Variants in PXMP4 observed in about 807,000 individuals in gnomAD.
The protein encoded by PXMP4 is peroxisomal membrane protein 4.
Under a neutral mutation model 21.6 loss-of-function variants are expected in PXMP4, and 16 were observed. The observed-to-expected ratio is 0.74, with a 90% CI of 0.50 to 1.13. PXMP4 has a LOEUF of 1.13. PXMP4 is among the 50% of genes most tolerant of loss of function. The pLI is 0.00. For missense variants in PXMP4, 240 were observed against 277.7 expected, an observed-to-expected ratio of 0.86 and a Z score of 0.96; for synonymous variants, 127 against 123.8, an observed-to-expected ratio of 1.03 and a Z score of -0.17.
chr20:33,714,768 T>C (rs2018367193), intron 1 of PXMP4, 32 bp from the exon 2 acceptor site: 1 of 1,601,034 alleles, frequency 6.2e-7, no homozygotes, highest in East Asian at 2.2e-5. Flanking sequence ...GTTACTATAA[T>C]GTCACTGTGT....
Position 33,707,220 on chromosome 20 carries a change from A to G in PXMP4, c.*486T>C, listed in dbSNP as rs1240251791. Reference sequence around the variant, plus strand: ...CAGCTACTAGAAACATTTTAATTACATATATGGCTCACGTGTTTCTATTGG... The same window carrying G: ...CAGCTACTAGAAACATTTTAATTACGTATATGGCTCACGTGTTTCTATTGG... On this transcript the variant is annotated 3_prime_UTR_variant, in exon 4 of 4. Transcript: ENST00000409299. 5 of 153,682 alleles carry G rather than the reference A, an allele frequency of 3.3e-5. No homozygotes were observed. The highest frequency in any genetic ancestry group is 1.2e-4 in the African/African-American group (5 of 41,444). The allele number at this position is 153,682 out of a possible 1,614,324, so 9.5% of individuals were successfully genotyped here.
In PXMP4 at chr20:33,707,956, A is replaced by G. The variant is rs1455257897; in HGVS notation, c.389T>C (p.Leu130Pro). Residue 130 changes from leucine (L) to proline (P), a missense_variant, in exon 4 of 4, where the codon CTG (leucine) becomes CCG (proline). Coordinates refer to ENST00000409299, the MANE Select transcript of PXMP4 (RefSeq NM_007238.5). ...CAGGGCAAACAGGACGCGTGACAAC[A>G]GGTACATGTTGATCTGCAAAGAGGG... ...NNINSQINMY[L>P]LSRVLFALSR... The G allele has an allele frequency of 5.6e-6, 9 of 1,613,480 alleles. No individual in the cohort carries two copies. The highest frequency in any genetic ancestry group is 6.8e-6 in the Non-Finnish European group (8 of 1,179,608).
chr20:33,717,010 A>G (rs990307143), intron 1 of PXMP4, among the ~76,000 whole-genome samples: 3 of 152,144 alleles, frequency 2.0e-5, no homozygotes, highest in African/African-American at 7.2e-5. Context: ...CCCTGTCTCT[A>G]CTAAAAATAC....
In PXMP4 at chr20:33,703,250, A is replaced by G. The variant is rs2018223386; in HGVS notation, c.*4456T>C. On this transcript the variant is annotated 3_prime_UTR_variant, in exon 4 of 4. Transcript: ENST00000409299. ...GGGTGTGCTCAGTCCTCAGGGGCAC[A>G]CTTCCTCTACATTTGGATGCTCTTA... 6.6e-6 allele frequency: 1 copy of G among 152,240 alleles called. No homozygotes were observed. Among genetic ancestry groups the G allele is most frequent in the South Asian group, 2.1e-4 (1 of 4,826 alleles). 9.4% of individuals were successfully genotyped at this position (152,240 alleles called of 1,614,324 possible).
At chr20:33,711,164 T>A (rs754566446) in intron 2 of PXMP4, among the ~76,000 whole-genome samples, 2 of 152,104 alleles carry the variant, frequency 1.3e-5, no homozygotes, top group Non-Finnish European at 2.9e-5. Context: ...AGTAAACATG[T>A]GAAGGAGTGA....
intron 2 of PXMP4, among the ~76,000 whole-genome samples, chr20:33,714,244 G>T (rs2018360855): frequency 6.6e-6 from 1 of 152,098 alleles, no homozygotes; most frequent in African/African-American, 2.4e-5. Context: ...ATCAGAGTTG[G>T]ACTTTAGGGC....
Position 33,704,957 on chromosome 20 carries a change from T to C in PXMP4, c.*2749A>G, listed in dbSNP as rs1346048709. ...AATTGGTAGCCCATGGACCAGATTTTCCTGGAGACTTGTTTGATTTGTCCA... is the reference window on the plus strand; with the variant it reads ...AATTGGTAGCCCATGGACCAGATTTCCCTGGAGACTTGTTTGATTTGTCCA... On this transcript the variant is annotated 3_prime_UTR_variant, in exon 4 of 4. Coordinates refer to ENST00000409299, the MANE Select transcript of PXMP4 (RefSeq NM_007238.5). 6.6e-6 allele frequency: 1 copy of C among 151,970 alleles called. No homozygotes were observed. 9.4% of individuals were successfully genotyped at this position (151,970 alleles called of 1,614,324 possible). A position where few individuals can be genotyped will look rare whatever the true frequency, so the allele number is the denominator to read the frequency against.
In PXMP4 at chr20:33,717,456, C is replaced by T. The variant is rs867912346; in HGVS notation, c.113+2639G>A. 5.3e-5 allele frequency among the ~76,000 whole-genome samples: 8 copies of T among 150,440 alleles called. No individual in the cohort carries two copies. The South Asian group carries it at 1.1e-3, about 20-fold the overall frequency. Reference sequence around the variant, plus strand: ...GAGATTGAGACCATCCCGGCTAAAACGGTGAAACCCCGTCTCTACTAAAAA... The same window carrying T: ...GAGATTGAGACCATCCCGGCTAAAATGGTGAAACCCCGTCTCTACTAAAAA... On this transcript the variant is annotated intron_variant, in intron 1 of 3. Transcript: ENST00000409299.
intron 1 of PXMP4, among the ~76,000 whole-genome samples, chr20:33,717,184 AAAAAT>A (rs2018392264): frequency 1.3e-5 from 2 of 152,094 alleles, no homozygotes; most frequent in Admixed American, 6.6e-5. Flanking sequence ...TCTCAAAAAC[AAAAAT>A]AAAATAAAAT....
intron 1 of PXMP4, among the ~76,000 whole-genome samples, chr20:33,719,138 C>T (rs1241467502): frequency 6.6e-6 from 1 of 152,210 alleles, no homozygotes; most frequent in Admixed American, 6.5e-5. Context: ...TCAGATAATC[C>T]GCCTGCCTCG....
At chr20:33,710,774 C>G in intron 2 of PXMP4, 21 bp from the exon 3 acceptor site, 1 of 1,574,694 alleles carries the variant, frequency 6.4e-7, no homozygotes, top group African/African-American at 1.4e-5. Flanking sequence ...ACAGGTGCCC[C>G]TGCCATGAGT....
intron 1 of PXMP4, among the ~76,000 whole-genome samples, chr20:33,718,510 CAAAAAAAA>C (rs34706596): frequency 9.1e-5 from 5 of 54,800 alleles, no homozygotes; most frequent in Admixed American, 2.5e-4. Flanking sequence ...CACTCCATCT[CAAAAAAAA>C]AAAAAAAAAA....
intron 2 of PXMP4, among the ~76,000 whole-genome samples, chr20:33,711,349 G>A (rs2018323973): frequency 6.6e-6 from 1 of 152,176 alleles, no homozygotes; most frequent in African/African-American, 2.4e-5. Context: ...GAGGTCAAGA[G>A]GGGAGGAGAG....
Position 33,706,238 on chromosome 20 carries a change from T to A in PXMP4, c.*1468A>T, listed in dbSNP as rs929860459. 5 of 152,018 alleles carry A rather than the reference T, an allele frequency of 3.3e-5. No homozygotes were observed. The highest frequency in any genetic ancestry group is 1.2e-4 in the African/African-American group (5 of 41,406). The allele number at this position is 152,018 out of a possible 1,614,324, so 9.4% of individuals were successfully genotyped here. On this transcript the variant is annotated 3_prime_UTR_variant, in exon 4 of 4. Coordinates refer to ENST00000409299, the MANE Select transcript of PXMP4 (RefSeq NM_007238.5). Reference sequence around the variant, plus strand: ...ACTGCACCTGGCCTGACCCTCAGTTTCTACATCTGTAAAATGGGGACGAAA... The same window carrying A: ...ACTGCACCTGGCCTGACCCTCAGTTACTACATCTGTAAAATGGGGACGAAA...
At chr20:33,708,592 G>A (rs2018289261) in intron 3 of PXMP4, among the ~76,000 whole-genome samples, 1 of 151,106 alleles carries the variant, frequency 6.6e-6, no homozygotes, top group African/African-American at 2.4e-5. Flanking sequence ...TGCCCTGGCT[G>A]TCTCAAACTC....
chr20:33,711,982 T>TA (rs78940423), intron 2 of PXMP4, among the ~76,000 whole-genome samples: 3,568 of 125,140 alleles, frequency 0.029, 128 homozygotes, highest in African/African-American at 0.094. Flanking sequence ...CTCTAAAAAT[T>TA]AAAAAAAAAA....
At chr20:33,718,509 TCAA>T (rs2018408894) in intron 1 of PXMP4, among the ~76,000 whole-genome samples, 1 of 34,034 alleles carries the variant, frequency 2.9e-5, no homozygotes, top group African/African-American at 1.6e-4. Flanking sequence ...ACACTCCATC[TCAA>T]AAAAAAAAAA....
At position 33,714,746 on chromosome 20, in the gene PXMP4, CAG is replaced by C; in HGVS notation, c.114-12_114-11del. 1.2e-6 allele frequency: 2 copies of C among 1,612,972 alleles called. No individual in the cohort carries two copies. The highest frequency in any genetic ancestry group is 2.2e-5 in the South Asian group (2 of 91,052). On this transcript the variant is annotated splice_polypyrimidine_tract_variant and intron_variant, in intron 1 of 3. Transcript: ENST00000409299. ...GATTTTGGCTCCATAGCTGTAGAAA[CAG>C]AAGAAAACAGTTACTATAATGTCAC...
At chr20:33,712,904 C>T (rs144753148) in intron 2 of PXMP4, among the ~76,000 whole-genome samples, 94 of 152,340 alleles carry the variant, frequency 6.2e-4, no homozygotes, top group African/African-American at 2.2e-3. Flanking sequence ...GCTGGGATTA[C>T]AGGCATGAGC....
Sources: gnomAD v4.1 joint callset for allele counts (sites outside exome capture counted in the v4.1 genomes callset) on GRCh38, gnomAD v4.1.1 for gene constraint, MANE v1.5 for transcripts, NCBI Gene and HGNC (gene_info 2026-07-23, HGNC 2026-07-21) for gene names.